Variants in RSPO3 observed in about 807,000 individuals in gnomAD.
RSPO3 encodes R-spondin-3.
RSPO3 carries 17 observed loss-of-function variants against 36.5 expected under a neutral mutation model. That is an observed-to-expected ratio of 0.47 (90% CI 0.32 to 0.70). The LOEUF (loss-of-function observed/expected upper bound fraction) is 0.70. Ranked by LOEUF, RSPO3 falls within the 30% of genes least tolerant of loss-of-function variation. RSPO3 has a pLI of 0.04. For synonymous variants in RSPO3, 108 were observed against 107.0 expected (o/e 1.01, Z -0.06); for missense variants, 294 against 322.5 (o/e 0.91, Z 0.68).
chr6:127,155,744 G>A (rs982429536), intron 4 of RSPO3, among the ~76,000 whole-genome samples: 1 of 151,926 alleles, frequency 6.6e-6, no homozygotes, highest in Non-Finnish European at 1.5e-5. Context: ...AAACTTTTGG[G>A]AAGTCTCATA....
chr6:127,119,501 G>C (rs956367017), intron 1 of RSPO3, among the ~76,000 whole-genome samples: 2 of 152,234 alleles, frequency 1.3e-5, no homozygotes, highest in East Asian at 1.9e-4. Context: ...GCCGGTGCGA[G>C]GGGCGGGCGG....
At chr6:127,152,942 G>T (rs968734900) in intron 3 of RSPO3, among the ~76,000 whole-genome samples, 1 of 152,030 alleles carries the variant, frequency 6.6e-6, no homozygotes. Flanking sequence ...ACATTCCCTT[G>T]CTATGTTCTC....
intron 1 of RSPO3, among the ~76,000 whole-genome samples, chr6:127,131,406 G>C (rs947264992): frequency 1.3e-5 from 2 of 152,072 alleles, no homozygotes; most frequent in Non-Finnish European, 2.9e-5. Flanking sequence ...GCTCTAAGGA[G>C]AGCCTACGAT....
In RSPO3 at chr6:127,119,130, C is replaced by T; in HGVS notation, c.-63C>T. The stretch of plus-strand genomic sequence containing the variant: ...CTAACACCTACATATATTTTAAAAA[C>T]ATTAAATATAATTAACAATCAAAAG... On this transcript the variant is annotated 5_prime_UTR_variant, in exon 1 of 5. Coordinates refer to ENST00000356698, the MANE Select transcript of RSPO3 (RefSeq NM_032784.5). 2 of 1,290,154 alleles carry T rather than the reference C, an allele frequency of 1.6e-6. No individual in the cohort carries two copies. The highest frequency in any genetic ancestry group is 2.3e-5 in the East Asian group (1 of 43,350). 79.9% of individuals were successfully genotyped at this position (1,290,154 alleles called of 1,614,324 possible). A position where few individuals can be genotyped will look rare whatever the true frequency, so the allele number is the denominator to read the frequency against.
intron 1 of RSPO3, among the ~76,000 whole-genome samples, chr6:127,131,737 C>T (rs1351281843): frequency 1.3e-5 from 2 of 152,128 alleles, no homozygotes; most frequent in African/African-American, 4.8e-5. Flanking sequence ...CCCACTAGCT[C>T]TTTCATGCTG....
At chr6:127,128,295 G>T (rs1773981628) in intron 1 of RSPO3, among the ~76,000 whole-genome samples, 3 of 152,060 alleles carry the variant, frequency 2.0e-5, no homozygotes, top group South Asian at 4.2e-4. Flanking sequence ...ATGGGTCTTG[G>T]TACAATAATT....
intron 4 of RSPO3, among the ~76,000 whole-genome samples, chr6:127,170,524 G>A (rs939062461): frequency 2.2e-4 from 33 of 151,416 alleles, no homozygotes; most frequent in Admixed American, 1.3e-3. Context: ...TCATTTGAGC[G>A]TATACCCAAA....
chr6:127,150,419 CT>C lies in RSPO3; in HGVS notation c.290-4del. On this transcript the variant is annotated splice_polypyrimidine_tract_variant and splice_region_variant and intron_variant, in intron 2 of 4. Transcript: ENST00000356698. Reference sequence around the variant, plus strand: ...GCAAGCATATTTCTTTCTTTTTTCTCTTTCAGAATGCAAAGCTGACTGTGAT... The same window carrying C: ...GCAAGCATATTTCTTTCTTTTTTCTCTTCAGAATGCAAAGCTGACTGTGAT... 1 of 1,607,136 alleles carries C rather than the reference CT, an allele frequency of 6.2e-7. No homozygotes were observed. The highest frequency in any genetic ancestry group is 8.5e-7 in the Non-Finnish European group (1 of 1,177,542).
intron 4 of RSPO3, among the ~76,000 whole-genome samples, chr6:127,158,493 T>C (rs1774640394): frequency 1.3e-5 from 2 of 152,100 alleles, no homozygotes; most frequent in Non-Finnish European, 2.9e-5. Context: ...GTGTTCAGGA[T>C]TTTTTCTGCT....
At chr6:127,177,680 T>C (rs1775082958) in intron 4 of RSPO3, among the ~76,000 whole-genome samples, 1 of 151,800 alleles carries the variant, frequency 6.6e-6, no homozygotes, top group African/African-American at 2.4e-5. Flanking sequence ...AGTTTTAAAA[T>C]AGGTAAATTG....
chr6:127,165,001 T>C (rs528375056), intron 4 of RSPO3, among the ~76,000 whole-genome samples: 12 of 152,234 alleles, frequency 7.9e-5, no homozygotes, highest in Non-Finnish European at 1.5e-4. Flanking sequence ...GTAAGTGAGA[T>C]ATTCCTTTTA....
intron 3 of RSPO3, among the ~76,000 whole-genome samples, chr6:127,154,721 G>A (rs1247558099): frequency 6.6e-6 from 1 of 152,146 alleles, no homozygotes; most frequent in Admixed American, 6.6e-5. Flanking sequence ...AGCATTACCT[G>A]TATTGTTAGG....
At chr6:127,135,263 T>G (rs1219189502) in intron 1 of RSPO3, among the ~76,000 whole-genome samples, 1 of 151,644 alleles carries the variant, frequency 6.6e-6, no homozygotes, top group Admixed American at 6.6e-5. Flanking sequence ...CTACTAAAAA[T>G]ATAAAAAATT....
chr6:127,177,044 G>A (rs1016842186), intron 4 of RSPO3, among the ~76,000 whole-genome samples: 1 of 151,768 alleles, frequency 6.6e-6, no homozygotes. Context: ...TTTCACCCAC[G>A]ATTAGCCTGC....
chr6:127,194,495 A>G (rs1298030880), intron 4 of RSPO3, among the ~76,000 whole-genome samples: 1 of 152,198 alleles, frequency 6.6e-6, no homozygotes, highest in African/African-American at 2.4e-5. Context: ...CCATGCCTTC[A>G]GACTACACTG....
At chr6:127,185,479 T>C (rs953538338) in intron 4 of RSPO3, among the ~76,000 whole-genome samples, 1 of 152,094 alleles carries the variant, frequency 6.6e-6, no homozygotes, top group African/African-American at 2.4e-5. Context: ...TCCTGAAGCA[T>C]AGTGAAACCA....
Position 127,119,196 on chromosome 6 carries a change from C to A in RSPO3, c.4C>A (p.His2Asn), listed in dbSNP as rs367602340. 19 of 1,609,188 alleles carry A rather than the reference C, an allele frequency of 1.2e-5. No individual in the cohort carries two copies. Among genetic ancestry groups the A allele is most frequent in the Admixed American group, 1.7e-5 (1 of 59,966 alleles). Residue 2 changes from histidine to asparagine, a missense_variant, in exon 1 of 5, where the codon CAC becomes AAC. His to Asn is a moderately conservative substitution (Grantham distance 68). This residue lies in a region of RSPO3 where 61 missense variants were observed against 51.3 expected (regional missense o/e 1.19). Coordinates refer to ENST00000356698, the MANE Select transcript of RSPO3 (RefSeq NM_032784.5). M[H>N]LRLISWLFII... is the part of the protein sequence containing the mutation. ...AGGGAAGCATTACTGGGTTACTATG[C>A]ACTTGCGACTGATTTCTTGGCTTTT...
intron 1 of RSPO3, among the ~76,000 whole-genome samples, chr6:127,143,879 T>C (rs560971351): frequency 6.2e-4 from 94 of 152,304 alleles, no homozygotes; most frequent in Non-Finnish European, 1.2e-3. Context: ...TAGCCAAAGG[T>C]TGTATATTGA....
At chr6:127,119,341 C>A (rs557877647) in intron 1 of RSPO3, 52 bp downstream of exon 1, 4 of 1,386,692 alleles carry the variant, frequency 2.9e-6, no homozygotes, top group Non-Finnish European at 3.1e-6. Context: ...GTTCACCTGT[C>A]GGGTCGCTTT....
Sources: allele counts gnomAD v4.1 joint callset (sites outside exome capture counted in the v4.1 genomes callset), GRCh38; gene constraint gnomAD v4.1.1; regional missense constraint gnomAD v4.1.1; transcripts MANE v1.5; gene names NCBI Gene and HGNC (gene_info 2026-07-23, HGNC 2026-07-21).